Variants in GFPT2 observed in about 807,000 individuals in gnomAD.
GFPT2 encodes glutamine--fructose-6-phosphate aminotransferase [isomerizing] 2.
GFPT2 carries 62 observed loss-of-function variants against 85.6 expected under a neutral mutation model. That is an observed-to-expected ratio of 0.72 (90% confidence interval 0.59 to 0.90). The LOEUF (loss-of-function observed/expected upper bound fraction) is 0.90, where lower values mean the gene tolerates loss of function less well. Ranked by LOEUF, GFPT2 falls within the 40% of genes least tolerant of loss-of-function variation. GFPT2 has a pLI of 0.00. For missense variants in GFPT2, 788 were observed against 893.4 expected (o/e 0.88, Z 1.50); for synonymous variants, 368 against 344.5 (o/e 1.07, Z -0.75).
At chr5:180,321,756 T>A (rs1042177610) in intron 9 of GFPT2, among the ~76,000 whole-genome samples, 1 of 136,600 alleles carries the variant, frequency 7.3e-6, no homozygotes, top group African/African-American at 2.8e-5. Flanking sequence ...TAAAATAATA[T>A]GGAGGGTTTT....
rs1194041953 is a variant in GFPT2, at chr5:180,318,249, T to A, written c.958+544A>T. ...CCACTGGGGTGTGGGGTTTGTGGGC[T>A]GTGGCAGGGAGTTTGGATTTTATTC... On this transcript the variant is annotated intron_variant, in intron 10 of 18. Transcript: ENST00000253778. This position sits in a 1 kb window ranked among gnomAD's most constrained non-coding sequence, Gnocchi z 4.2. 1.3e-5 allele frequency among the ~76,000 whole-genome samples: 2 copies of A among 152,050 alleles called. No individual in the cohort carries two copies. The highest frequency in any genetic ancestry group is 2.9e-5 in the Non-Finnish European group (2 of 67,984).
intron 1 of GFPT2, among the ~76,000 whole-genome samples, chr5:180,350,511 C>T (rs1207962635): frequency 6.6e-6 from 1 of 152,196 alleles, no homozygotes; most frequent in Non-Finnish European, 1.5e-5. Flanking sequence ...TCTGGACTAG[C>T]CCTGCGGCTC....
rs116613859 is a variant in GFPT2 at position 180,317,928 on chromosome 5, G to T, written c.958+865C>A. Among the ~76,000 whole-genome samples, 555 of 152,064 alleles carry T rather than the reference G, an allele frequency of 3.6e-3. 4 individuals are homozygous for T. Among genetic ancestry groups the T allele is most frequent in the Middle Eastern group, 0.014 (4 of 294 alleles). On this transcript the variant is annotated intron_variant, in intron 10 of 18. Coordinates refer to ENST00000253778, the MANE Select transcript of GFPT2 (RefSeq NM_005110.4). ...GGGCAGGCCGTGTTCTCTAGGATAC[G>T]CACACTCATGACACCAACATCGCCC... is the stretch of plus-strand genomic sequence containing the variant.
chr5:180,331,724 T>G, intron 4 of GFPT2, 171 bp from the exon 5 acceptor site: 1 of 643,808 alleles, frequency 1.6e-6, no homozygotes, highest in South Asian at 1.6e-5. Context: ...GCAACTACAG[T>G]GGAACCAGGG....
rs952346092 is a variant in GFPT2 at position 180,328,025 on chromosome 5, C to G, written c.596+252G>C. ...TATAACTGGAATTTGTTGCCCACCT[C>G]TAAAAATCTGTGGAGATTTCAAACA... is the stretch of plus-strand genomic sequence containing the variant. On this transcript the variant is annotated intron_variant, in intron 7 of 18. Transcript: ENST00000253778. The surrounding 1 kb of genome is among the most constrained non-coding windows in gnomAD (Gnocchi z 5.4). Among the ~76,000 whole-genome samples, 2 of 151,772 alleles carry G rather than the reference C, an allele frequency of 1.3e-5. No individual in the cohort carries two copies. The highest frequency in any genetic ancestry group is 4.2e-4 in the South Asian group (2 of 4,816).
chr5:180,312,378 A>G, intron 15 of GFPT2, 52 bp downstream of exon 15: 1 of 934,176 alleles, frequency 1.1e-6, no homozygotes, highest in Non-Finnish European at 1.8e-6. Flanking sequence ...GAGAATGGCC[A>G]GCAACAGTCC....
chr5:180,304,987 G>C, intron 16 of GFPT2, 48 bp from the exon 17 acceptor site: 1 of 1,341,054 alleles, frequency 7.5e-7, no homozygotes, highest in South Asian at 1.2e-5. Flanking sequence ...GATGGGGCTG[G>C]AGCAGATCAG....
intron 9 of GFPT2, among the ~76,000 whole-genome samples, chr5:180,320,659 G>A (rs1273960130): frequency 6.6e-6 from 1 of 152,156 alleles, no homozygotes; most frequent in South Asian, 2.1e-4. Flanking sequence ...TGTAATCCCA[G>A]CTACTTGGGA....
Position 180,324,833 on chromosome 5 carries a change from G to C in GFPT2, c.659C>G (p.Pro220Arg), listed in dbSNP as rs763344336. 1 of 1,605,422 alleles carries C rather than the reference G, an allele frequency of 6.2e-7. No individual in the cohort carries two copies. Among genetic ancestry groups the C allele is most frequent in the Non-Finnish European group, 8.5e-7 (1 of 1,172,106 alleles). Residue 220 changes from proline to arginine, a missense_variant, in exon 8 of 19, where the codon CCT (proline) becomes CGT (arginine). Coordinates refer to ENST00000253778, the MANE Select transcript of GFPT2 (RefSeq NM_005110.4). Reference protein sequence around the residue: ...SKYKLSTEQIPILYRTCTLEN... With the variant: ...SKYKLSTEQIRILYRTCTLEN... ...AAACTTACACGTCCTGTATAAGATA[G>C]GGATCTGTTCTGTGGAGAGCTTGTA... is the stretch of plus-strand genomic sequence containing the variant.
intron 8 of GFPT2, 66 bp from the exon 9 acceptor site, chr5:180,324,371 G>T: frequency 1.1e-6 from 1 of 931,926 alleles, no homozygotes; most frequent in Non-Finnish European, 1.7e-6. Flanking sequence ...ATGCAGCAAG[G>T]AACCAATTTC....
At chr5:180,322,885 A>G (rs1279113645) in intron 9 of GFPT2, among the ~76,000 whole-genome samples, 1 of 151,900 alleles carries the variant, frequency 6.6e-6, no homozygotes, top group African/African-American at 2.4e-5. Context: ...AAATACAAAA[A>G]ATTAGCCGGG....
chr5:180,353,176 G>A, intron 1 of GFPT2, 35 bp downstream of exon 1: 1 of 1,232,204 alleles, frequency 8.1e-7, no homozygotes. Context: ...CGCGGACGGC[G>A]TGGAGGAGGC....
In GFPT2 at chr5:180,316,258, A is replaced by G. The variant is rs1309848419; in HGVS notation, c.1273+83T>C. The stretch of plus-strand genomic sequence containing the variant: ...TTCGCAGCACAGGGTAGCCATGCAG[A>G]GGACTTAACTGAATGAAGGAGAAGA... On this transcript the variant is annotated intron_variant, in intron 13 of 18. Transcript: ENST00000253778. The G allele has an allele frequency of 3.6e-6, 5 of 1,384,652 alleles. No homozygotes were observed. In the African/African-American group the frequency reaches 4.3e-5, roughly 12 times the overall value. The allele number at this position is 1,384,652 out of a possible 1,614,324, so 85.8% of individuals were successfully genotyped here. A position where few individuals can be genotyped will look rare whatever the true frequency, so the allele number is the denominator to read the frequency against.
chr5:180,337,827 T>C (rs1764430930), intron 2 of GFPT2, among the ~76,000 whole-genome samples: 1 of 151,972 alleles, frequency 6.6e-6, no homozygotes, highest in African/African-American at 2.4e-5. Flanking sequence ...TATTGTTCTG[T>C]GTGTGATAAG....
At chr5:180,304,694 A>C in intron 17 of GFPT2, 78 bp downstream of exon 17, 1 of 1,267,220 alleles carries the variant, frequency 7.9e-7, no homozygotes, top group Non-Finnish European at 1.1e-6. Context: ...CATCACTGGT[A>C]CTGGCAGACA....
At chr5:180,327,327 G>A (rs1581380505) in intron 7 of GFPT2, among the ~76,000 whole-genome samples, 2 of 152,314 alleles carry the variant, frequency 1.3e-5, no homozygotes, top group South Asian at 4.1e-4. Context: ...CACAGCAGGT[G>A]TCAGTAAACA....
chr5:180,327,425 C>T (rs1764229200), intron 7 of GFPT2, among the ~76,000 whole-genome samples: 1 of 152,222 alleles, frequency 6.6e-6, no homozygotes, highest in Non-Finnish European at 1.5e-5. Context: ...GGTCCCACTC[C>T]CTCTGGGCCC....
chr5:180,343,975 T>C (rs1040177026), intron 1 of GFPT2, among the ~76,000 whole-genome samples: 6 of 152,256 alleles, frequency 3.9e-5, no homozygotes, highest in African/African-American at 9.6e-5. Flanking sequence ...CAGAGATGCA[T>C]GTGCACACGT....
rs1270306050 is a variant in GFPT2 at position 180,319,213 on chromosome 5, A to G, written c.795-257T>C. On this transcript the variant is annotated intron_variant, in intron 9 of 18. Coordinates refer to ENST00000253778, the MANE Select transcript of GFPT2 (RefSeq NM_005110.4). ...TGTAAACACTTTACCATAGAGCTCT[A>G]AAACTATTTTAACCTACTATAATAC... is the stretch of plus-strand genomic sequence containing the variant. Among the ~76,000 whole-genome samples the G allele has an allele frequency of 1.3e-5, 2 of 152,180 alleles. 1 individual carries two copies. The highest frequency in any genetic ancestry group is 1.3e-4 in the Admixed American group (2 of 15,278).
Sources: gnomAD v4.1 joint callset for allele counts (sites outside exome capture counted in the v4.1 genomes callset) on GRCh38, gnomAD v4.1.1 for gene constraint, Gnocchi (gnomAD v3.1) non-coding constraint, MANE v1.5 for transcripts, NCBI Gene and HGNC (gene_info 2026-07-23, HGNC 2026-07-21) for gene names.